Variants in PPCS observed in about 807,000 individuals in gnomAD.
The protein encoded by PPCS is phosphopantothenate--cysteine ligase.
PPCS carries 17 observed loss-of-function variants against 24.6 expected under a neutral mutation model. The ratio of observed to expected loss-of-function variants is 0.69; its 90% CI spans 0.47 to 1.04. The LOEUF (loss-of-function observed/expected upper bound fraction) is 1.04. PPCS is among the 50% of genes least tolerant of loss of function. PPCS has a pLI of 0.00. For synonymous variants in PPCS, 190 were observed against 168.3 expected, an observed-to-expected ratio of 1.13 and a Z score of -1.00; for missense variants, 360 against 402.8, an observed-to-expected ratio of 0.89 and a Z score of 0.91.
At chr1:42,466,535 TTTG>T (rs943696066) in intron 2 of PPCS, among the ~76,000 whole-genome samples, 8 of 149,392 alleles carry the variant, frequency 5.4e-5, no homozygotes, top group African/African-American at 2.0e-4. Flanking sequence ...GAATAGTTTT[TTTG>T]TTGTTGTTGT....
chr1:42,472,834 A>G (rs747466126), intron 2 of PPCS, among the ~76,000 whole-genome samples: 4 of 152,192 alleles, frequency 2.6e-5, no homozygotes, highest in African/African-American at 9.7e-5. Context: ...AGTCATATAT[A>G]CATAGACTTC....
chr1:42,463,270 T>G (rs1643461282), downstream of PPCS: 1 of 152,278 alleles, frequency 6.6e-6, no homozygotes, highest in African/African-American at 2.4e-5. Flanking sequence ...TCTGCGTCTC[T>G]GCGGCGAGCG....
At position 42,460,336 on chromosome 1, in the gene PPCS, A is replaced by G. The variant is rs1410803150; in HGVS notation, c.*410A>G. 3 of 987,368 alleles carry G rather than the reference A, an allele frequency of 3.0e-6. No homozygotes were observed. The highest frequency in any genetic ancestry group is 2.2e-4 in the East Asian group (2 of 8,906). 61.2% of individuals were successfully genotyped at this position (987,368 alleles called of 1,614,324 possible). A position where few individuals can be genotyped will look rare whatever the true frequency, so the allele number is the denominator to read the frequency against. On this transcript the variant is annotated 3_prime_UTR_variant, in exon 3 of 3. Coordinates refer to ENST00000372561, the MANE Select transcript of PPCS (RefSeq NM_024664.4). ...ATGAGGATTAAAAAGATGAATAAAC[A>G]TATCTTGTTTAGGAAATGGATGTAT...
chr1:42,458,538 T>G (rs1010919320), intron 2 of PPCS, among the ~76,000 whole-genome samples: 6 of 152,228 alleles, frequency 3.9e-5, no homozygotes, highest in Non-Finnish European at 7.3e-5. Flanking sequence ...TTGCTTCCTC[T>G]GCAGAGGAGA....
At chr1:42,462,640 G>C (rs1001781918), downstream of PPCS, among the ~76,000 whole-genome samples, 1 of 152,154 alleles carries the variant, frequency 6.6e-6, no homozygotes, top group African/African-American at 2.4e-5. Context: ...CTAGAATTTT[G>C]CAATAAGAGC....
intron 2 of PPCS, among the ~76,000 whole-genome samples, chr1:42,471,799 T>C (rs1470954433): frequency 6.6e-6 from 1 of 152,186 alleles, no homozygotes; most frequent in Admixed American, 6.5e-5. Context: ...ATTAAAACCA[T>C]TTATCATCTA....
intron 2 of PPCS, chr1:42,473,059 T>C (rs985110798): frequency 6.6e-6 from 8 of 1,217,382 alleles, no homozygotes; most frequent in South Asian, 8.6e-5. Context: ...CACATAGATA[T>C]CTTGCATCCT....
Position 42,459,796 on chromosome 1 carries a change from T to C in PPCS, c.806T>C (p.Ile269Thr), listed in dbSNP as rs1390154667. 1 of 1,614,172 alleles carries C rather than the reference T, an allele frequency of 6.2e-7. No homozygotes were observed. Among genetic ancestry groups the C allele is most frequent in the Admixed American group, 1.7e-5 (1 of 60,022 alleles). Reference protein sequence around the residue: ...ILESRQSFVFIVTKDSETKLL... With the variant: ...ILESRQSFVFTVTKDSETKLL... ...GAGTCACGACAGTCCTTTGTGTTTA[T>C]TGTAACCAAAGACTCGGAAACCAAG... Residue 269 changes from isoleucine (I) to threonine (T), a missense_variant, in exon 3 of 3, where the codon ATT becomes ACT. Physicochemically the swap from Ile to Thr is moderately conservative, Grantham distance 89. Transcript: ENST00000372561.
downstream of PPCS, among the ~76,000 whole-genome samples, chr1:42,462,020 G>T (rs1234688516): frequency 6.6e-6 from 1 of 152,198 alleles, no homozygotes; most frequent in African/African-American, 2.4e-5. Context: ...GTACAATGGG[G>T]ATATATGGGG....
At chr1:42,469,305 G>T (rs1340948353) in intron 2 of PPCS, among the ~76,000 whole-genome samples, 2 of 152,292 alleles carry the variant, frequency 1.3e-5, no homozygotes, top group East Asian at 3.9e-4. Flanking sequence ...TCACTAGAGC[G>T]CAGGAGTTTG....
chr1:42,466,173 A>G (rs2148431457), downstream of PPCS, among the ~76,000 whole-genome samples: 1 of 152,194 alleles, frequency 6.6e-6, no homozygotes, highest in East Asian at 1.9e-4. Flanking sequence ...CTGACAGCAT[A>G]TTTCAGTTTT....
rs1412598866 is a variant in PPCS, at chr1:42,460,206, G to A, written c.*280G>A. 4.5e-6 allele frequency: 5 copies of A among 1,122,582 alleles called. No individual in the cohort carries two copies. In the Admixed American group the frequency reaches 2.2e-4, roughly 50 times the overall value. The allele number at this position is 1,122,582 out of a possible 1,614,324, so 69.5% of individuals were successfully genotyped here. A position where few individuals can be genotyped will look rare whatever the true frequency, so the allele number is the denominator to read the frequency against. On this transcript the variant is annotated 3_prime_UTR_variant, in exon 3 of 3. Transcript: ENST00000372561. ...AATATACATGGGGGCCTGAATGTCA[G>A]CCATCTTTATACTATAGAAAAAGGA...
At chr1:42,457,490 C>T (rs1643254625) in intron 2 of PPCS, 140 bp downstream of exon 2, 2 of 688,464 alleles carry the variant, frequency 2.9e-6, no homozygotes, top group East Asian at 2.6e-5. Flanking sequence ...ACCGCCCTCC[C>T]TCATGGACCT....
downstream of PPCS, among the ~76,000 whole-genome samples, chr1:42,462,486 A>G (rs1410183960): frequency 6.6e-6 from 1 of 152,190 alleles, no homozygotes; most frequent in East Asian, 1.9e-4. Flanking sequence ...AGAGTAAAAT[A>G]CGTCCGGATA....
chr1:42,462,053 T>C (rs568717362), downstream of PPCS, among the ~76,000 whole-genome samples: 2 of 152,364 alleles, frequency 1.3e-5, no homozygotes, highest in East Asian at 3.9e-4. Flanking sequence ...GTGATCTTAA[T>C]GTTTGTCTTT....
At chr1:42,462,492 G>A (rs541859572), downstream of PPCS, among the ~76,000 whole-genome samples, 1 of 152,110 alleles carries the variant, frequency 6.6e-6, no homozygotes, top group Admixed American at 6.5e-5. Context: ...AAATACGTCC[G>A]GATAATGCAT....
rs1209740267 is a variant in PPCS at position 42,456,637 on chromosome 1, T to C, written c.72T>C (p.Ala24=). Residue 24 remains alanine, a synonymous_variant, in exon 1 of 3, where the codon GCT becomes GCC. Transcript: ENST00000372561. ...CTGCGCGCTGGGCTGAGGTTATGGC[T>C]CGCTTCGCGGCCAGGCTGGGCGCGC... The part of the protein sequence containing the change: ...PGAARWAEVM[A]RFAARLGAQG... 1.3e-6 allele frequency: 2 copies of C among 1,574,402 alleles called. No individual in the cohort carries two copies. The highest frequency in any genetic ancestry group is 1.8e-5 in the Admixed American group (1 of 54,494).
chr1:42,473,290 G>C (rs929401638), exon 3 of PPCS: 1 of 1,230,794 alleles, frequency 8.1e-7, no homozygotes, highest in Non-Finnish European at 1.0e-6. Flanking sequence ...AAGCACATGG[G>C]TGAAACAAAA....
downstream of PPCS, chr1:42,463,418 C>T (rs1474062218): frequency 6.6e-6 from 1 of 152,230 alleles, no homozygotes; most frequent in East Asian, 1.9e-4. Flanking sequence ...CTGCCTCAGC[C>T]CCAAGGAGGA....
Sources: gnomAD v4.1 joint callset for allele counts (sites outside exome capture counted in the v4.1 genomes callset) on GRCh38, gnomAD v4.1.1 for gene constraint, MANE v1.5 for transcripts, NCBI Gene and HGNC (gene_info 2026-07-23, HGNC 2026-07-21) for gene names.